TFCP2L1: variants seen among roughly 807,000 people sequenced by gnomAD.
The protein encoded by TFCP2L1 is transcription factor CP2 like 1, also known as transcription factor CP2-like protein 1.
In TFCP2L1, 12 loss-of-function variants were observed where a neutral mutation model predicts 72.2. The observed-to-expected ratio is 0.17, with a 90% confidence interval of 0.11 to 0.27. TFCP2L1 has a LOEUF of 0.27. TFCP2L1 is among the 10% of genes least tolerant of loss of function. The probability of loss-of-function intolerance (pLI) is 1.00; values close to 1 mark genes in which losing one functional copy is unlikely to be tolerated. For synonymous variants in TFCP2L1, 260 were observed against 251.0 expected, an observed-to-expected ratio of 1.04 and a Z score of -0.34; for missense variants, 488 against 624.6, an observed-to-expected ratio of 0.78 and a Z score of 2.33.
intron 7 of TFCP2L1, chr2:121,239,955 C>G: frequency 1.3e-6 from 1 of 795,226 alleles, no homozygotes; most frequent in Non-Finnish European, 1.5e-6. Context: ...CTTGGGTCCA[C>G]GAGAGAGAAA....
intron 2 of TFCP2L1, among the ~76,000 whole-genome samples, chr2:121,278,051 A>T: frequency 7.4e-6 from 1 of 135,500 alleles, no homozygotes. Context: ...TTTTTTTGAG[A>T]CGGAGTCTCG....
intron 8 of TFCP2L1, among the ~76,000 whole-genome samples, chr2:121,239,337 A>G (rs1686314290): frequency 6.6e-6 from 1 of 152,190 alleles, no homozygotes; most frequent in Non-Finnish European, 1.5e-5. Flanking sequence ...TCCTGGTTTC[A>G]CCAGGTAAGT....
intron 2 of TFCP2L1, among the ~76,000 whole-genome samples, chr2:121,252,758 A>AT (rs1370506832): frequency 6.6e-6 from 1 of 152,170 alleles, no homozygotes; most frequent in Non-Finnish European, 1.5e-5. Flanking sequence ...TGAGAGAATC[A>AT]TTTTTTGTTT....
chr2:121,273,635 TAA>T lies in TFCP2L1; in HGVS notation c.214+7483_214+7484del, dbSNP rs145925910. Among the ~76,000 whole-genome samples, 931 of 152,340 alleles carry T rather than the reference TAA, an allele frequency of 6.1e-3. 10 individuals carry two copies. The highest frequency in any genetic ancestry group is 0.022 in the African/African-American group (900 of 41,564). On this transcript the variant is annotated intron_variant, in intron 2 of 14. Transcript: ENST00000263707. ...ACTGAGAAATGGGCATCCAGTGGTTTAAGTGACTTTTTGATTTATGCCTACAG... is the reference window on the plus strand; with the variant it reads ...ACTGAGAAATGGGCATCCAGTGGTTTGTGACTTTTTGATTTATGCCTACAG...
chr2:121,230,416 C>T (rs1324973478), intron 13 of TFCP2L1, among the ~76,000 whole-genome samples: 1 of 152,112 alleles, frequency 6.6e-6, no homozygotes, highest in Non-Finnish European at 1.5e-5. Flanking sequence ...AGGTGATCCG[C>T]CCACCTCGGC....
At chr2:121,251,518 A>ATT in intron 2 of TFCP2L1, among the ~76,000 whole-genome samples, 1 of 152,238 alleles carries the variant, frequency 6.6e-6, no homozygotes. Flanking sequence ...ATTGGATTAA[A>ATT]AAGTCAATTT....
intron 2 of TFCP2L1, among the ~76,000 whole-genome samples, chr2:121,275,786 G>T (rs528210625): frequency 6.6e-5 from 10 of 152,208 alleles, no homozygotes; most frequent in African/African-American, 2.4e-4. Context: ...GGCCAGGCTG[G>T]TCTAGAACTC....
In TFCP2L1 at chr2:121,280,575, T is replaced by C. The variant is rs372447387; in HGVS notation, c.214+545A>G. Among the ~76,000 whole-genome samples, 28 of 151,668 alleles carry C rather than the reference T, an allele frequency of 1.8e-4. No individual in the cohort carries two copies. The East Asian group carries it at 3.5e-3, about 19-fold the overall frequency. On this transcript the variant is annotated intron_variant, in intron 2 of 14. Coordinates refer to ENST00000263707, the MANE Select transcript of TFCP2L1 (RefSeq NM_014553.3). ...GAGTTTGAGACCAGCCTGGGCAACA[T>C]AGTGAGACCCCCCCAGCTCTACAAA... is the stretch of plus-strand genomic sequence containing the variant.
chr2:121,249,199 G>A (rs2104704741), intron 3 of TFCP2L1, 112 bp from the exon 4 acceptor site: 2 of 789,274 alleles, frequency 2.5e-6, no homozygotes, highest in Non-Finnish European at 3.9e-6. Context: ...CTCCCCCTGG[G>A]GCTTCCTTTC....
chr2:121,247,023 C>T (rs1686502846), intron 5 of TFCP2L1, 53 bp from the exon 6 acceptor site: 1 of 1,604,888 alleles, frequency 6.2e-7, no homozygotes, highest in South Asian at 1.1e-5. Context: ...CAGGGTGCCC[C>T]TGGATCCCCC....
At chr2:121,256,049 C>T (rs922828923) in intron 2 of TFCP2L1, among the ~76,000 whole-genome samples, 3 of 152,074 alleles carry the variant, frequency 2.0e-5, no homozygotes, top group African/African-American at 4.8e-5. Context: ...CCCCCCTGAA[C>T]TTCTTGATAC....
At chr2:121,255,481 C>T (rs571959238) in intron 2 of TFCP2L1, among the ~76,000 whole-genome samples, 4 of 152,290 alleles carry the variant, frequency 2.6e-5, no homozygotes, top group Admixed American at 2.6e-4. Flanking sequence ...CCTGTATGTA[C>T]GTCATTTCAC....
At chr2:121,234,633 TCTCA>T (rs1686207246) in intron 11 of TFCP2L1, among the ~76,000 whole-genome samples, 1 of 152,198 alleles carries the variant, frequency 6.6e-6, no homozygotes, top group Non-Finnish European at 1.5e-5. Flanking sequence ...AAACCCAGGC[TCTCA>T]CTCTAAAACC....
chr2:121,227,720 TACACACACAC>T (rs144192362), intron 13 of TFCP2L1, among the ~76,000 whole-genome samples: 50 of 147,422 alleles, frequency 3.4e-4, no homozygotes, highest in African/African-American at 1.1e-3. Context: ...AAACATACAA[TACACACACAC>T]ACACACACAC....
chr2:121,250,135 AG>A (rs1265640476), intron 2 of TFCP2L1, among the ~76,000 whole-genome samples: 1 of 152,212 alleles, frequency 6.6e-6, no homozygotes, highest in Non-Finnish European at 1.5e-5. Flanking sequence ...CCCAGTTAAA[AG>A]AATTCCATGT....
chr2:121,250,679 T>C (rs1031895583), intron 2 of TFCP2L1, among the ~76,000 whole-genome samples: 3 of 150,968 alleles, frequency 2.0e-5, no homozygotes, highest in African/African-American at 2.4e-5. Context: ...CGATCTTGGC[T>C]CACTGCAACC....
intron 2 of TFCP2L1, among the ~76,000 whole-genome samples, chr2:121,250,678 C>G (rs764017551): frequency 6.7e-6 from 1 of 149,454 alleles, no homozygotes; most frequent in African/African-American, 2.5e-5. Flanking sequence ...ACGATCTTGG[C>G]TCACTGCAAC....
intron 2 of TFCP2L1, among the ~76,000 whole-genome samples, chr2:121,263,699 A>G (rs1467866517): frequency 1.3e-5 from 2 of 152,192 alleles, no homozygotes; most frequent in African/African-American, 4.8e-5. Context: ...AGGTGATTTG[A>G]CAAGGCCTAC....
intron 1 of TFCP2L1, 41 bp from the exon 2 acceptor site, chr2:121,281,312 G>A (rs753177254): frequency 2.5e-5 from 39 of 1,551,748 alleles, no homozygotes; most frequent in Non-Finnish European, 3.3e-5. Context: ...CAGAGCCCCA[G>A]GGGGCTCCTG....
Sources: gnomAD v4.1 joint callset for allele counts (sites outside exome capture counted in the v4.1 genomes callset) on GRCh38, gnomAD v4.1.1 for gene constraint, MANE v1.5 for transcripts, NCBI Gene and HGNC (gene_info 2026-07-23, HGNC 2026-07-21) for gene names.